The following STAU1 variants were observed in gnomAD, a reference collection of about 807,000 sequenced individuals.
STAU1 encodes double-stranded RNA-binding protein Staufen homolog 1.
A neutral mutation model predicts 62.9 loss-of-function variants in STAU1; 13 were observed. The observed-to-expected ratio is 0.21, with a 90% CI of 0.13 to 0.33. The LOEUF (loss-of-function observed/expected upper bound fraction) is 0.33, where lower values mean the gene tolerates loss of function less well. Among genes scored for constraint, STAU1 ranks in the 10% least tolerant of loss-of-function variants. The pLI is 1.00. For missense variants in STAU1, 571 were observed against 712.1 expected (o/e 0.80, Z 2.25); for synonymous variants, 269 against 265.1 (o/e 1.01, Z -0.14).
chr20:49,154,121 T>G, intron 3 of STAU1, 50 bp from the exon 4 acceptor site: 8 of 1,537,586 alleles, frequency 5.2e-6, no homozygotes, highest in Middle Eastern at 1.7e-4. Flanking sequence ...ATGAGAATGA[T>G]ACTCACTAAA....
the STAU1 span, among the ~76,000 whole-genome samples, chr20:49,216,033 AAAG>A: frequency 8.6e-5 from 9 of 104,574 alleles, no homozygotes; most frequent in East Asian, 1.9e-3. Flanking sequence ...AAAAAAAAAA[AAAG>A]AAGAAGAAGA....
At chr20:49,181,073 G>A (rs1027992530) in intron 1 of STAU1, among the ~76,000 whole-genome samples, 52 of 152,294 alleles carry the variant, frequency 3.4e-4, no homozygotes, top group African/African-American at 1.2e-3. Context: ...CCTCGGAAGC[G>A]CATCAGCATC....
intron 1 of STAU1, among the ~76,000 whole-genome samples, chr20:49,187,070 AAGAC>A (rs1192545425): frequency 1.3e-5 from 2 of 152,092 alleles, no homozygotes; most frequent in East Asian, 3.8e-4. Context: ...AGAGCAAGAC[AAGAC>A]AGACAAATTT....
At chr20:49,216,815 A>C in the STAU1 span, among the ~76,000 whole-genome samples, 2 of 152,186 alleles carry the variant, frequency 1.3e-5, no homozygotes, top group South Asian at 4.1e-4. Flanking sequence ...TGAAGCTCCC[A>C]ACATCTTTGA....
intron 5 of STAU1, among the ~76,000 whole-genome samples, chr20:49,143,842 AG>A (rs2093063115): frequency 6.6e-6 from 1 of 152,212 alleles, no homozygotes; most frequent in African/African-American, 2.4e-5. Context: ...CTAATTTGGA[AG>A]GCATATATAC....
At chr20:49,176,322 A>G (rs1184374351) in intron 1 of STAU1, among the ~76,000 whole-genome samples, 3 of 152,218 alleles carry the variant, frequency 2.0e-5, no homozygotes, top group African/African-American at 4.8e-5. Context: ...ATTATCTCTA[A>G]TAAGTCCAAA....
upstream of STAU1, among the ~76,000 whole-genome samples, chr20:49,191,247 G>A (rs556279207): frequency 1.3e-5 from 2 of 152,108 alleles, no homozygotes; most frequent in East Asian, 3.9e-4. Flanking sequence ...GGCTGGTCTC[G>A]AACTCCTGGC....
chr20:49,201,044 C>CAAAAAAAAAAAAAAAAAAAAAAAAAA, the STAU1 span, among the ~76,000 whole-genome samples: 6 of 31,508 alleles, frequency 1.9e-4, no homozygotes, highest in South Asian at 2.8e-3. Flanking sequence ...GACCCACTCT[C>CAAAAAAAAAAAAAAAAAAAAAAAAAA]AAAAAAAAAA....
chr20:49,170,988 T>C (rs1413842097), intron 2 of STAU1, among the ~76,000 whole-genome samples: 2 of 152,198 alleles, frequency 1.3e-5, no homozygotes, highest in Non-Finnish European at 2.9e-5. Context: ...ATTCACTCAA[T>C]AGTCTACAAA....
chr20:49,122,918 A>AAAAT lies in STAU1; in HGVS notation c.966+170_966+173dup, dbSNP rs3091755. Among the ~76,000 whole-genome samples the AAAAT allele has an allele frequency of 7.6e-3, 1,124 of 148,528 alleles. 10 individuals carry two copies. The highest frequency in any genetic ancestry group is 0.017 in the Middle Eastern group (5 of 290). On this transcript the variant is annotated intron_variant, in intron 8 of 13. Transcript: ENST00000371856. ...GGCGACAGAGTGAGACTCCATCTCA[A>AAAAT]AAATAAATAAATAAATAAATAAATA...
intron 2 of STAU1, among the ~76,000 whole-genome samples, chr20:49,172,943 T>C (rs2093615430): frequency 1.3e-5 from 2 of 151,198 alleles, no homozygotes; most frequent in South Asian, 4.2e-4. Flanking sequence ...AGTGAAACAA[T>C]CTCGGCTCAC....
intron 5 of STAU1, among the ~76,000 whole-genome samples, chr20:49,144,310 C>T (rs147366186): frequency 1.2e-3 from 180 of 150,582 alleles, no homozygotes; most frequent in African/African-American, 4.2e-3. Context: ...TAAATGCAAA[C>T]AGGATGGGAG....
At chr20:49,129,807 T>C (rs1411200896) in intron 6 of STAU1, among the ~76,000 whole-genome samples, 1 of 151,986 alleles carries the variant, frequency 6.6e-6, no homozygotes, top group Non-Finnish European at 1.5e-5. Flanking sequence ...TTTGTATTTT[T>C]AGTAGAGACG....
intron 1 of STAU1, among the ~76,000 whole-genome samples, chr20:49,186,903 G>A (rs1489508333): frequency 6.6e-6 from 1 of 152,064 alleles, no homozygotes; most frequent in Non-Finnish European, 1.5e-5. Flanking sequence ...AACAGTGGCA[G>A]AACAGACTGA....
chr20:49,134,979 A>G (rs2092842681), intron 6 of STAU1: 3 of 1,602,854 alleles, frequency 1.9e-6, no homozygotes, highest in South Asian at 2.2e-5. Flanking sequence ...GTGAAGAGAC[A>G]GTTCATGAAC....
chr20:49,188,516 A>C (rs944703423), upstream of STAU1: 3 of 151,034 alleles, frequency 2.0e-5, no homozygotes, highest in Non-Finnish European at 4.4e-5. Context: ...GCCCAGCGGG[A>C]GGAGCGCCCT....
chr20:49,206,487 T>C, the STAU1 span, among the ~76,000 whole-genome samples: 1 of 135,018 alleles, frequency 7.4e-6, no homozygotes, highest in Non-Finnish European at 1.6e-5. Flanking sequence ...AGTGGTGTGA[T>C]CCTGGGCCAC....
chr20:49,210,029 A>T, the STAU1 span, among the ~76,000 whole-genome samples: 1 of 151,328 alleles, frequency 6.6e-6, no homozygotes, highest in Non-Finnish European at 1.5e-5. Context: ...AGCCTGGGTG[A>T]CAGGGCAACA....
intron 5 of STAU1, among the ~76,000 whole-genome samples, chr20:49,146,163 G>A (rs13044900): frequency 0.32 from 48,304 of 151,916 alleles, 9,070 homozygotes; most frequent in Middle Eastern, 0.46. Flanking sequence ...CTACTTGGGA[G>A]GCTGAGGTGG....
Sources: allele counts gnomAD v4.1 joint callset (sites outside exome capture counted in the v4.1 genomes callset), GRCh38; gene constraint gnomAD v4.1.1; transcripts MANE v1.5; gene names NCBI Gene and HGNC (gene_info 2026-07-23, HGNC 2026-07-21).